MAGI1: variants seen among roughly 807,000 people sequenced by gnomAD.
MAGI1 encodes membrane associated guanylate kinase, WW and PDZ domain containing 1.
Under a neutral mutation model 139.9 loss-of-function variants are expected in MAGI1, and 58 were observed. That is an observed-to-expected ratio of 0.41 (90% CI 0.34 to 0.52). The LOEUF (loss-of-function observed/expected upper bound fraction) is 0.52. MAGI1 is among the 20% of genes least tolerant of loss of function. MAGI1 has a pLI of 0.12. For missense variants in MAGI1, 1,874 were observed against 1,901.6 expected (o/e 0.99, Z 0.27); for synonymous variants, 812 against 737.9 (o/e 1.10, Z -1.63).
At chr3:65,470,537 G>A in intron 4 of MAGI1, 53 bp from the exon 5 acceptor site, 8 of 1,005,408 alleles carry the variant, frequency 8.0e-6, no homozygotes, top group Middle Eastern at 2.2e-4. Context: ...AAAAAAAAAT[G>A]GTATTCAGCA....
intron 10 of MAGI1, among the ~76,000 whole-genome samples, chr3:65,433,926 T>G (rs934869721): frequency 6.6e-6 from 1 of 152,286 alleles, no homozygotes; most frequent in Non-Finnish European, 1.5e-5. Context: ...ACTAGTCACA[T>G]GTAGCCACTG....
chr3:65,406,020 C>T (rs1196869948), intron 12 of MAGI1, among the ~76,000 whole-genome samples: 1 of 152,208 alleles, frequency 6.6e-6, no homozygotes, highest in African/African-American at 2.4e-5. Context: ...GCCGCCACGC[C>T]CGGCCTCTAT....
chr3:65,455,995 A>C (rs1023152121), intron 5 of MAGI1, among the ~76,000 whole-genome samples: 1 of 152,156 alleles, frequency 6.6e-6, no homozygotes, highest in East Asian at 1.9e-4. Context: ...ATTCATGTAC[A>C]TGTTTTTGTG....
chr3:65,878,348 C>A (rs1351733057), intron 1 of MAGI1, among the ~76,000 whole-genome samples: 2 of 151,994 alleles, frequency 1.3e-5, no homozygotes, highest in African/African-American at 2.4e-5. Context: ...GAAACCTCGT[C>A]TCGACAGAAA....
In MAGI1 at chr3:65,633,160, C is replaced by G. The variant is rs913848669; in HGVS notation, c.314-11072G>C. On this transcript the variant is annotated intron_variant, in intron 1 of 22. Coordinates refer to ENST00000402939, the MANE Select transcript of MAGI1 (RefSeq NM_001033057.2). The stretch of plus-strand genomic sequence containing the variant: ...AAACGTCCTAATGAAATATGGGGAG[C>G]TAGGCTCTATTTCTCACAGCAGGTC... Among the ~76,000 whole-genome samples the G allele has an allele frequency of 2.0e-5, 3 of 152,174 alleles. 1 individual carries two copies. The East Asian group carries it at 5.8e-4, about 30-fold the overall frequency.
chr3:66,007,498 G>A (rs2067087295), intron 1 of MAGI1, among the ~76,000 whole-genome samples: 1 of 152,340 alleles, frequency 6.6e-6, no homozygotes, highest in East Asian at 1.9e-4. Context: ...TCCAACTCTA[G>A]TGAGGAGGAG....
chr3:65,574,908 A>T (rs2081112388), intron 2 of MAGI1, among the ~76,000 whole-genome samples: 1 of 152,094 alleles, frequency 6.6e-6, no homozygotes, highest in South Asian at 2.1e-4. Flanking sequence ...TTTCACATTT[A>T]AAAAAATTAA....
chr3:65,707,890 T>C (rs953795440), intron 1 of MAGI1, among the ~76,000 whole-genome samples: 11 of 152,026 alleles, frequency 7.2e-5, no homozygotes, highest in Non-Finnish European at 1.5e-4. Context: ...TCGCTAAAAA[T>C]CCAAAGTCAT....
At position 66,038,284 on chromosome 3, in the gene MAGI1, T is replaced by G. The variant is rs759086365; in HGVS notation, c.25A>C (p.Asn9His). Residue 9 changes from asparagine (N) to histidine (H), a missense_variant, in exon 1 of 23, where the codon AAC becomes CAC. Coordinates refer to ENST00000402939, the MANE Select transcript of MAGI1 (RefSeq NM_001033057.2). ...TCGTGAACCCTGCTAGTCCAGTGGTTCTTCTTCTGGATCACTTTGGACATG... is the reference window on the plus strand; with the variant it reads ...TCGTGAACCCTGCTAGTCCAGTGGTGCTTCTTCTGGATCACTTTGGACATG... Reference protein sequence around the residue: MSKVIQKKNHWTSRVHECT... With the variant: MSKVIQKKHHWTSRVHECT... 6.3e-7 allele frequency: 1 copy of G among 1,595,784 alleles called. No homozygotes were observed.
intron 12 of MAGI1, among the ~76,000 whole-genome samples, chr3:65,427,936 G>A (rs1239839468): frequency 6.6e-6 from 1 of 152,118 alleles, no homozygotes; most frequent in Non-Finnish European, 1.5e-5. Flanking sequence ...GCAGTCAAGT[G>A]ATCTAGGTAC....
rs967774019 is a variant in MAGI1, at chr3:65,354,198, T to A, written c.*2180A>T. 9 of 152,470 alleles carry A rather than the reference T, an allele frequency of 5.9e-5. No individual in the cohort carries two copies. The highest frequency in any genetic ancestry group is 1.2e-4 in the Non-Finnish European group (8 of 68,030). The allele number at this position is 152,470 out of a possible 1,614,324, so 9.4% of individuals were successfully genotyped here. A position where few individuals can be genotyped will look rare whatever the true frequency, so the allele number is the denominator to read the frequency against. ...CTTAGGAACTTGATGAAAAAGAACA[T>A]CATTATTCAGTTGTACTCTTCCTCA... On this transcript the variant is annotated 3_prime_UTR_variant, in exon 23 of 23. Transcript: ENST00000402939.
chr3:65,601,497 T>C (rs1032400751), intron 2 of MAGI1, among the ~76,000 whole-genome samples: 4 of 152,154 alleles, frequency 2.6e-5, no homozygotes, highest in African/African-American at 7.2e-5. Flanking sequence ...TTTCTATGCA[T>C]GATGCTGTAA....
intron 4 of MAGI1, among the ~76,000 whole-genome samples, chr3:65,472,541 T>C (rs1950614546): frequency 6.6e-6 from 1 of 152,128 alleles, no homozygotes; most frequent in African/African-American, 2.4e-5. Flanking sequence ...CTAATTTCAG[T>C]TGGGAATTAC....
At chr3:65,870,899 A>T (rs746072349) in intron 1 of MAGI1, among the ~76,000 whole-genome samples, 1 of 151,944 alleles carries the variant, frequency 6.6e-6, no homozygotes, top group Non-Finnish European at 1.5e-5. Context: ...CCTGGGCAAT[A>T]AATTGAGATG....
intron 1 of MAGI1, among the ~76,000 whole-genome samples, chr3:65,768,638 G>T (rs1386646714): frequency 1.3e-5 from 2 of 152,072 alleles, no homozygotes; most frequent in African/African-American, 4.8e-5. Context: ...GCCAGCTATG[G>T]GTAGAATGAC....
chr3:65,692,111 TA>T (rs199948586), intron 1 of MAGI1, among the ~76,000 whole-genome samples: 6 of 150,242 alleles, frequency 4.0e-5, no homozygotes, highest in Non-Finnish European at 7.4e-5. Context: ...GACCTTTTTT[TA>T]AAAAAAAAAT....
At chr3:65,700,947 T>C (rs1319427094) in intron 1 of MAGI1, among the ~76,000 whole-genome samples, 3 of 152,168 alleles carry the variant, frequency 2.0e-5, no homozygotes, top group African/African-American at 7.2e-5. Flanking sequence ...CTTTAGAACA[T>C]GAAGGCTGGG....
At chr3:65,867,875 G>C (rs1200359064) in intron 1 of MAGI1, among the ~76,000 whole-genome samples, 1 of 152,152 alleles carries the variant, frequency 6.6e-6, no homozygotes, top group Non-Finnish European at 1.5e-5. Flanking sequence ...CTCTGCACTG[G>C]AGACTCAGGG....
At chr3:65,509,532 G>T (rs1468836089) in intron 2 of MAGI1, among the ~76,000 whole-genome samples, 3 of 152,208 alleles carry the variant, frequency 2.0e-5, no homozygotes, top group African/African-American at 4.8e-5. Flanking sequence ...CCGACTCAAA[G>T]AAAGGGGTGA....
Sources: allele counts gnomAD v4.1 joint callset (sites outside exome capture counted in the v4.1 genomes callset), GRCh38; gene constraint gnomAD v4.1.1; transcripts MANE v1.5; gene names NCBI Gene and HGNC (gene_info 2026-07-23, HGNC 2026-07-21).